Variants in MBOAT2 observed in about 807,000 individuals in gnomAD.
MBOAT2 encodes the protein membrane bound glycerophospholipid O-acyltransferase 2.
MBOAT2 carries 28 observed loss-of-function variants against 63.4 expected under a neutral mutation model. That is an observed-to-expected ratio of 0.44 (90% CI 0.33 to 0.61). The LOEUF is 0.61. Among genes scored for constraint, MBOAT2 ranks in the 20% least tolerant of loss-of-function variants. MBOAT2 has a pLI of 0.03. For synonymous variants in MBOAT2, 211 were observed against 215.6 expected, an observed-to-expected ratio of 0.98 and a Z score of 0.19; for missense variants, 470 against 605.8, an observed-to-expected ratio of 0.78 and a Z score of 2.35.
At chr2:8,863,725 T>C (rs1451970263) in intron 10 of MBOAT2, among the ~76,000 whole-genome samples, 1 of 152,212 alleles carries the variant, frequency 6.6e-6, no homozygotes, top group Non-Finnish European at 1.5e-5. Context: ...AGTCTTTTTA[T>C]CTTACTCATG....
intron 3 of MBOAT2, among the ~76,000 whole-genome samples, chr2:8,940,609 G>T (rs1350854796): frequency 2.0e-5 from 3 of 151,996 alleles, no homozygotes; most frequent in Non-Finnish European, 4.4e-5. Flanking sequence ...ACATTTTAAA[G>T]GTAAGATATG....
intron 2 of MBOAT2, among the ~76,000 whole-genome samples, chr2:8,948,911 T>C (rs1036007955): frequency 3.3e-5 from 5 of 152,230 alleles, no homozygotes; most frequent in African/African-American, 1.2e-4. Context: ...TTAAGAAATC[T>C]GCAAACTGCT....
At chr2:8,875,988 G>C (rs937071126) in intron 7 of MBOAT2, among the ~76,000 whole-genome samples, 8 of 152,230 alleles carry the variant, frequency 5.3e-5, no homozygotes, top group Non-Finnish European at 1.2e-4. Flanking sequence ...GAGGGTGGTA[G>C]ATTTGCAGGA....
At chr2:8,912,349 A>AAGAAAGAAAGAAAGAG (rs1320407353) in intron 3 of MBOAT2, among the ~76,000 whole-genome samples, 1 of 76,444 alleles carries the variant, frequency 1.3e-5, no homozygotes, top group Non-Finnish European at 2.7e-5. Flanking sequence ...GAAAGAAAGA[A>AAGAAAGAAAGAAAGAG]AGAGAAAGAA....
intron 7 of MBOAT2, 154 bp downstream of exon 7, chr2:8,876,876 T>C (rs80344116): frequency 4.7e-4 from 308 of 656,792 alleles, no homozygotes; most frequent in African/African-American, 4.2e-3. Context: ...TAATCATGAC[T>C]GTACTTCTAC....
rs184720943 is a variant in MBOAT2 at position 8,909,181 on chromosome 2, C to A, written c.300-465G>T. On this transcript the variant is annotated intron_variant, in intron 3 of 12. Transcript: ENST00000305997. Reference sequence around the variant, plus strand: ...GGTGGCATTTACACACATTTCATAGCCATGAACACTTACTGATTTCTATAA... The same window carrying A: ...GGTGGCATTTACACACATTTCATAGACATGAACACTTACTGATTTCTATAA... Among the ~76,000 whole-genome samples the A allele has an allele frequency of 3.9e-5, 6 of 152,232 alleles. No individual in the cohort carries two copies. The East Asian group carries it at 7.7e-4, about 20-fold the overall frequency.
chr2:8,939,835 C>G (rs1031197112), intron 3 of MBOAT2, among the ~76,000 whole-genome samples: 2 of 152,160 alleles, frequency 1.3e-5, no homozygotes, highest in African/African-American at 4.8e-5. Context: ...ACTTTCTCAT[C>G]CCATATCTCA....
rs1671951181 is a variant in MBOAT2, at chr2:8,992,072, A to C, written c.75+11468T>G. Among the ~76,000 whole-genome samples the C allele has an allele frequency of 2.0e-5, 3 of 152,222 alleles. No homozygotes were observed. In the South Asian group the frequency reaches 6.2e-4, roughly 32 times the overall value. On this transcript the variant is annotated intron_variant, in intron 1 of 12. Coordinates refer to ENST00000305997, the MANE Select transcript of MBOAT2 (RefSeq NM_138799.4). ...TCTGGTCAGCTAAGCAACACCATACAATAAACACAAACTCCCAGGCTTGTT... is the reference window on the plus strand; with the variant it reads ...TCTGGTCAGCTAAGCAACACCATACCATAAACACAAACTCCCAGGCTTGTT...
At position 8,857,768 on chromosome 2, in the gene MBOAT2, G is replaced by A. The variant is rs530357774; in HGVS notation, c.*911C>T. 2.0e-5 allele frequency: 3 copies of A among 152,188 alleles called. No homozygotes were observed. The highest frequency in any genetic ancestry group is 4.8e-5 in the African/African-American group (2 of 41,526). 9.4% of individuals were successfully genotyped at this position (152,188 alleles called of 1,614,324 possible). On this transcript the variant is annotated 3_prime_UTR_variant, in exon 13 of 13. Transcript: ENST00000305997. ...TTAATTTAGAAGTCCAAAGTATCAC[G>A]AAGTCATTCAACTTTTTTTTTAAGT...
At chr2:8,930,876 TCTAACA>T (rs1157465473) in intron 3 of MBOAT2, among the ~76,000 whole-genome samples, 1 of 151,968 alleles carries the variant, frequency 6.6e-6, no homozygotes, top group African/African-American at 2.4e-5. Context: ...AAAAACAAAA[TCTAACA>T]CTGGCTACCT....
intron 4 of MBOAT2, among the ~76,000 whole-genome samples, chr2:8,896,752 C>T (rs945147865): frequency 6.6e-6 from 1 of 152,204 alleles, no homozygotes; most frequent in African/African-American, 2.4e-5. Context: ...AGGCAATTTT[C>T]CTAACTCTGC....
intron 2 of MBOAT2, among the ~76,000 whole-genome samples, chr2:8,950,128 T>C (rs557844535): frequency 2.4e-4 from 36 of 152,328 alleles, no homozygotes; most frequent in South Asian, 1.0e-3. Context: ...TTGAACATTA[T>C]TACTATACAG....
intron 3 of MBOAT2, among the ~76,000 whole-genome samples, chr2:8,941,579 G>A (rs1199469662): frequency 2.0e-5 from 3 of 151,450 alleles, no homozygotes; most frequent in African/African-American, 7.3e-5. Flanking sequence ...CAGGAGAATC[G>A]CTTAAACCCG....
At position 8,863,268 on chromosome 2, in the gene MBOAT2, C is replaced by A. The variant is rs1324161851; in HGVS notation, c.1053-546G>T. The stretch of plus-strand genomic sequence containing the variant: ...CAGCCACTGGGGAGACTGCCAGGCA[C>A]TGTGAAGAGATGACAGCGTATGCTA... On this transcript the variant is annotated intron_variant, in intron 10 of 12. Transcript: ENST00000305997. Among the ~76,000 whole-genome samples, 3 of 152,062 alleles carry A rather than the reference C, an allele frequency of 2.0e-5. No homozygotes were observed. In the South Asian group the frequency reaches 6.2e-4, roughly 32 times the overall value.
intron 7 of MBOAT2, among the ~76,000 whole-genome samples, chr2:8,874,542 G>A (rs967564789): frequency 1.3e-5 from 2 of 152,150 alleles, no homozygotes; most frequent in South Asian, 4.1e-4. Context: ...TGGTTCTGAA[G>A]TAGGGCAGGG....
intron 3 of MBOAT2, among the ~76,000 whole-genome samples, chr2:8,932,757 A>G (rs79607801): frequency 6.7e-6 from 1 of 148,890 alleles, no homozygotes; most frequent in African/African-American, 2.5e-5. Context: ...ATTTAGGAGA[A>G]AAAAAAAAAA....
chr2:8,953,530 T>C (rs1032574652), intron 2 of MBOAT2, among the ~76,000 whole-genome samples: 1 of 152,216 alleles, frequency 6.6e-6, no homozygotes, highest in Non-Finnish European at 1.5e-5. Context: ...TCAAATACAT[T>C]TTCCAGGTTG....
At chr2:9,000,385 G>A (rs1312592945) in intron 1 of MBOAT2, among the ~76,000 whole-genome samples, 1 of 152,084 alleles carries the variant, frequency 6.6e-6, no homozygotes, top group Admixed American at 6.6e-5. Context: ...AATGACTTTA[G>A]TCATCCAATT....
At chr2:8,860,109 C>T (rs1367145112) in intron 12 of MBOAT2, among the ~76,000 whole-genome samples, 2 of 151,842 alleles carry the variant, frequency 1.3e-5, no homozygotes, top group Non-Finnish European at 2.9e-5. Flanking sequence ...ATTGCTTGAA[C>T]CTGGGAGGCA....
Sources: gnomAD v4.1 joint callset for allele counts (sites outside exome capture counted in the v4.1 genomes callset) on GRCh38, gnomAD v4.1.1 for gene constraint, MANE v1.5 for transcripts, NCBI Gene and HGNC (gene_info 2026-07-23, HGNC 2026-07-21) for gene names.